C1QTNF3: variants seen among roughly 807,000 people sequenced by gnomAD.
C1QTNF3 encodes the protein C1q and TNF related 3, also known as complement C1q tumor necrosis factor-related protein 3.
A neutral mutation model predicts 32.6 loss-of-function variants in C1QTNF3; 26 were observed. The observed-to-expected ratio is 0.80, with a 90% CI of 0.58 to 1.11. The LOEUF is 1.11. Among genes scored for constraint, C1QTNF3 ranks in the 50% least tolerant of loss-of-function variants. The pLI is 0.00. For synonymous variants in C1QTNF3, 155 were observed against 146.0 expected (o/e 1.06, Z -0.44); for missense variants, 362 against 398.2 (o/e 0.91, Z 0.77).
At chr5:34,063,189 GTT>G in the C1QTNF3 span, among the ~76,000 whole-genome samples, 1 of 152,028 alleles carries the variant, frequency 6.6e-6, no homozygotes, top group African/African-American at 2.4e-5. Flanking sequence ...GGGGTACACT[GTT>G]TTTTTCTTAA....
the C1QTNF3 span, chr5:34,165,114 C>T: frequency 6.6e-6 from 1 of 152,166 alleles, no homozygotes; most frequent in Non-Finnish European, 1.5e-5. Flanking sequence ...TGCTTTTGGA[C>T]ATCCAAACTC....
At chr5:34,076,154 T>C in the C1QTNF3 span, among the ~76,000 whole-genome samples, 1 of 151,444 alleles carries the variant, frequency 6.6e-6, no homozygotes, top group Admixed American at 6.6e-5. Context: ...GTTTAATAGG[T>C]ATAGTGTTTC....
At chr5:34,045,161 T>A (rs1319790778), upstream of C1QTNF3, among the ~76,000 whole-genome samples, 1 of 152,220 alleles carries the variant, frequency 6.6e-6, no homozygotes, top group Non-Finnish European at 1.5e-5. Flanking sequence ...TGTCTCTGGC[T>A]CTCACCATCA....
chr5:34,075,268 T>A, the C1QTNF3 span, among the ~76,000 whole-genome samples: 1 of 151,656 alleles, frequency 6.6e-6, no homozygotes, highest in Non-Finnish European at 1.5e-5. Context: ...TCTGGAATAA[T>A]TAGAGTTATA....
the C1QTNF3 span, among the ~76,000 whole-genome samples, chr5:34,058,791 G>C: frequency 1.3e-5 from 2 of 152,142 alleles, no homozygotes; most frequent in Admixed American, 1.3e-4. Flanking sequence ...TTGTCATTCT[G>C]CATTGATGCA....
intron 5 of C1QTNF3, among the ~76,000 whole-genome samples, chr5:34,021,164 G>A (rs1479301305): frequency 6.6e-6 from 1 of 152,200 alleles, no homozygotes; most frequent in Non-Finnish European, 1.5e-5. Context: ...CCCTAACCAA[G>A]CTAGAATTTG....
the C1QTNF3 span, among the ~76,000 whole-genome samples, chr5:34,174,995 C>T: frequency 6.6e-6 from 1 of 151,792 alleles, no homozygotes; most frequent in African/African-American, 2.4e-5. Flanking sequence ...GATCTGCCTG[C>T]CTCAGCCTCC....
the C1QTNF3 span, among the ~76,000 whole-genome samples, chr5:34,197,533 A>T: frequency 6.6e-6 from 1 of 152,150 alleles, no homozygotes; most frequent in Non-Finnish European, 1.5e-5. Flanking sequence ...GTATTTTTCC[A>T]TTTAAAAATT....
At chr5:34,237,011 G>C in the C1QTNF3 span, among the ~76,000 whole-genome samples, 1 of 152,074 alleles carries the variant, frequency 6.6e-6, no homozygotes, top group Admixed American at 6.6e-5. Flanking sequence ...ACTAGATATA[G>C]TATCACAAAG....
At chr5:34,157,173 A>G in the C1QTNF3 span, among the ~76,000 whole-genome samples, 9,750 of 152,276 alleles carry the variant, frequency 0.064, 404 homozygotes, top group Middle Eastern at 0.099. Context: ...TTACTGAAAC[A>G]TACTTGTAGA....
the C1QTNF3 span, among the ~76,000 whole-genome samples, chr5:34,176,880 AAT>A: frequency 6.6e-6 from 1 of 151,940 alleles, no homozygotes; most frequent in African/African-American, 2.4e-5. Flanking sequence ...TGAATGAATG[AAT>A]GAATGAAAAA....
the C1QTNF3 span, chr5:34,165,325 T>C: frequency 6.6e-6 from 1 of 152,246 alleles, no homozygotes; most frequent in Non-Finnish European, 1.5e-5. Flanking sequence ...CATAATCGCA[T>C]GATCCAATTC....
At chr5:34,195,010 G>A in the C1QTNF3 span, among the ~76,000 whole-genome samples, 1 of 152,118 alleles carries the variant, frequency 6.6e-6, no homozygotes. Flanking sequence ...CTTAACAGAT[G>A]TAGAACCCAG....
chr5:34,055,826 A>G, the C1QTNF3 span, among the ~76,000 whole-genome samples: 2 of 152,360 alleles, frequency 1.3e-5, no homozygotes, highest in Admixed American at 6.5e-5. Context: ...GTATTTTCCA[A>G]TATGCAGTGG....
the C1QTNF3 span, among the ~76,000 whole-genome samples, chr5:34,048,916 G>T: frequency 6.6e-6 from 1 of 152,186 alleles, no homozygotes; most frequent in Non-Finnish European, 1.5e-5. Flanking sequence ...AGCTCCTGGG[G>T]CAGAGCTTGA....
chr5:34,055,929 C>T, the C1QTNF3 span, among the ~76,000 whole-genome samples: 1 of 152,202 alleles, frequency 6.6e-6, no homozygotes, highest in Non-Finnish European at 1.5e-5. Flanking sequence ...TGTCCTGTGA[C>T]ACTCACCCCG....
At chr5:34,022,156 T>C (rs1754345304) in intron 5 of C1QTNF3, among the ~76,000 whole-genome samples, 1 of 152,226 alleles carries the variant, frequency 6.6e-6, no homozygotes, top group Non-Finnish European at 1.5e-5. Flanking sequence ...CTTCACTTAA[T>C]CTATTTAACA....
the C1QTNF3 span, among the ~76,000 whole-genome samples, chr5:34,064,042 G>A: frequency 6.6e-6 from 1 of 152,236 alleles, no homozygotes; most frequent in South Asian, 2.1e-4. Flanking sequence ...GCTTCCCCAG[G>A]AAAATTGAAA....
At chr5:34,088,821 G>A in the C1QTNF3 span, among the ~76,000 whole-genome samples, 1 of 152,066 alleles carries the variant, frequency 6.6e-6, no homozygotes, top group African/African-American at 2.4e-5. Context: ...CCCTATAACT[G>A]AGTCTTTACC....
Sources: gnomAD v4.1 joint callset for allele counts (sites outside exome capture counted in the v4.1 genomes callset) on GRCh38, gnomAD v4.1.1 for gene constraint, MANE v1.5 for transcripts, NCBI Gene and HGNC (gene_info 2026-07-23, HGNC 2026-07-21) for gene names.